The following SPRR2G variants were observed in gnomAD, a reference collection of about 807,000 sequenced individuals.
SPRR2G encodes the protein small proline-rich protein 2G.
Under a neutral mutation model 0.7 loss-of-function variants are expected in SPRR2G, and 1 was observed. That is an observed-to-expected ratio of 1.49 (90% CI 0.53 to 7.06). SPRR2G has a LOEUF of 7.06. Ranked by LOEUF, SPRR2G falls within the 30% of genes most tolerant of loss-of-function variation. The pLI, the probability that SPRR2G is intolerant of heterozygous loss-of-function variation, is 0.14. For missense variants in SPRR2G, 96 were observed against 88.5 expected (o/e 1.09, Z -0.34); for synonymous variants, 38 against 33.9 (o/e 1.12, Z -0.42).
upstream of SPRR2G, among the ~76,000 whole-genome samples, chr1:153,152,968 G>A (rs1656503225): frequency 6.6e-6 from 1 of 152,054 alleles, no homozygotes; most frequent in African/African-American, 2.4e-5. Context: ...ACAAAGGACA[G>A]TTTTTTTATA....
chr1:153,183,162 G>A, the SPRR2G span, among the ~76,000 whole-genome samples: 6 of 146,788 alleles, frequency 4.1e-5, no homozygotes, highest in Non-Finnish European at 7.5e-5. Context: ...TCCGCCTCCT[G>A]GGTTCAAGCG....
chr1:153,164,737 T>G, the SPRR2G span, among the ~76,000 whole-genome samples: 2 of 152,238 alleles, frequency 1.3e-5, no homozygotes. Flanking sequence ...CTCTGCACAC[T>G]GCAAATTCAA....
the SPRR2G span, among the ~76,000 whole-genome samples, chr1:153,177,723 A>G: frequency 1.2e-3 from 179 of 152,270 alleles, no homozygotes; most frequent in African/African-American, 3.9e-3. Context: ...CCAAAACCAC[A>G]CATTCTTGAT....
chr1:153,169,018 T>A, the SPRR2G span, among the ~76,000 whole-genome samples: 3 of 152,038 alleles, frequency 2.0e-5, no homozygotes, highest in Non-Finnish European at 2.9e-5. Flanking sequence ...ACTGACTAAG[T>A]GGACCCGCTC....
chr1:153,192,546 C>T, the SPRR2G span, among the ~76,000 whole-genome samples: 3 of 152,142 alleles, frequency 2.0e-5, no homozygotes, highest in African/African-American at 4.8e-5. Context: ...CCCCAAATTG[C>T]ACCCACTTCC....
At chr1:153,185,419 C>T in the SPRR2G span, among the ~76,000 whole-genome samples, 53 of 149,780 alleles carry the variant, frequency 3.5e-4, 1 homozygote, top group Admixed American at 2.3e-3. Flanking sequence ...CTCAGGGATT[C>T]GACTTCTTCC....
At chr1:153,184,736 C>T in the SPRR2G span, among the ~76,000 whole-genome samples, 2 of 152,156 alleles carry the variant, frequency 1.3e-5, no homozygotes, top group Admixed American at 6.5e-5. Context: ...ACTTCCAATA[C>T]TATGTTGAAA....
At chr1:153,192,215 G>C in the SPRR2G span, among the ~76,000 whole-genome samples, 2 of 152,178 alleles carry the variant, frequency 1.3e-5, no homozygotes, top group African/African-American at 4.8e-5. Context: ...GCTTGTGGAA[G>C]CTGAGGAAGA....
chr1:153,179,132 G>C, the SPRR2G span, among the ~76,000 whole-genome samples: 3 of 152,276 alleles, frequency 2.0e-5, no homozygotes, highest in East Asian at 5.8e-4. Flanking sequence ...GGCTGAAGCT[G>C]TAATCCACAC....
chr1:153,192,212 G>A, the SPRR2G span, among the ~76,000 whole-genome samples: 83 of 152,290 alleles, frequency 5.5e-4, no homozygotes, highest in African/African-American at 1.9e-3. Context: ...CAGGCTTGTG[G>A]AAGCTGAGGA....
the SPRR2G span, among the ~76,000 whole-genome samples, chr1:153,187,357 T>C: frequency 6.6e-6 from 1 of 152,204 alleles, no homozygotes; most frequent in Non-Finnish European, 1.5e-5. Context: ...ATGTTTGCTC[T>C]TTTCACATAG....
the SPRR2G span, among the ~76,000 whole-genome samples, chr1:153,199,960 G>GA: frequency 6.6e-6 from 1 of 151,788 alleles, no homozygotes; most frequent in Non-Finnish European, 1.5e-5. Flanking sequence ...AAAAGGCATG[G>GA]AAAAAAATAG....
At chr1:153,150,308 C>T (rs770232250) in intron 1 of SPRR2G, among the ~76,000 whole-genome samples, 177 bp from the exon 2 acceptor site, 50 of 152,100 alleles carry the variant, frequency 3.3e-4, no homozygotes, top group African/African-American at 6.0e-4. Context: ...TCAGTTCTTC[C>T]GTCTTTCTGG....
the SPRR2G span, among the ~76,000 whole-genome samples, chr1:153,156,998 CA>C: frequency 6.6e-6 from 1 of 152,154 alleles, no homozygotes; most frequent in South Asian, 2.1e-4. Flanking sequence ...CCTCAATTTA[CA>C]GGGTAAACCA....
chr1:153,199,172 A>C, the SPRR2G span, among the ~76,000 whole-genome samples: 1 of 152,228 alleles, frequency 6.6e-6, no homozygotes, highest in South Asian at 2.1e-4. Flanking sequence ...AAACAGTGAA[A>C]GGGGAGGATG....
the SPRR2G span, among the ~76,000 whole-genome samples, chr1:153,178,983 A>G: frequency 6.6e-6 from 1 of 152,174 alleles, no homozygotes; most frequent in African/African-American, 2.4e-5. Context: ...TCAGGGTACA[A>G]TGAGAGGAAC....
At chr1:153,202,207 G>T in the SPRR2G span, among the ~76,000 whole-genome samples, 3 of 152,288 alleles carry the variant, frequency 2.0e-5, no homozygotes, top group Admixed American at 6.5e-5. Context: ...AATTTCCACT[G>T]CATGTTTCAT....
chr1:153,184,498 GCTCT>G, the SPRR2G span, among the ~76,000 whole-genome samples: 1 of 152,004 alleles, frequency 6.6e-6, no homozygotes, highest in African/African-American at 2.4e-5. Context: ...TCATGATTTG[GCTCT>G]CTGTTTGTCT....
the SPRR2G span, among the ~76,000 whole-genome samples, chr1:153,167,343 T>G: frequency 0.59 from 88,775 of 151,710 alleles, 26,087 homozygotes; most frequent in Middle Eastern, 0.71. Context: ...GCGTGGTGGC[T>G]CATGCCTGTA....
Sources: gnomAD v4.1 joint callset for allele counts (sites outside exome capture counted in the v4.1 genomes callset) on GRCh38, gnomAD v4.1.1 for gene constraint, MANE v1.5 for transcripts, NCBI Gene and HGNC (gene_info 2026-07-23, HGNC 2026-07-21) for gene names.